TGFB2: variants seen among roughly 807,000 people sequenced by gnomAD.
TGFB2 encodes the protein transforming growth factor beta-2 proprotein.
Under a neutral mutation model 42.7 loss-of-function variants are expected in TGFB2, and 13 were observed. That is an observed-to-expected ratio of 0.30 (90% confidence interval 0.20 to 0.48). The LOEUF is 0.48. Among genes scored for constraint, TGFB2 ranks in the 20% least tolerant of loss-of-function variants. The pLI is 0.99. For synonymous variants in TGFB2, 193 were observed against 193.6 expected, an observed-to-expected ratio of 1.00 and a Z score of 0.03; for missense variants, 390 against 517.5, an observed-to-expected ratio of 0.75 and a Z score of 2.39.
intron 6 of TGFB2, 93 bp downstream of exon 6, chr1:218,437,589 T>C: frequency 7.4e-7 from 1 of 1,344,406 alleles, no homozygotes; most frequent in Non-Finnish European, 9.9e-7. Flanking sequence ...AACCTCGTGC[T>C]GTCTTACCAT....
At chr1:218,371,382 C>A (rs976323211) in intron 1 of TGFB2, among the ~76,000 whole-genome samples, 13 of 152,214 alleles carry the variant, frequency 8.5e-5, no homozygotes, top group Admixed American at 3.9e-4. Context: ...ATTGGATCCA[C>A]ACTATTGCTG....
At position 218,417,805 on chromosome 1, in the gene TGFB2, G is replaced by A. The variant is rs182100571; in HGVS notation, c.510+12473G>A. Among the ~76,000 whole-genome samples the A allele has an allele frequency of 2.0e-5, 3 of 152,356 alleles. No homozygotes were observed. In the East Asian group the frequency reaches 5.8e-4, roughly 29 times the overall value. On this transcript the variant is annotated intron_variant, in intron 2 of 6. Transcript: ENST00000366930. ...TGTGGCTGAAAAGGGCCAACATAGA[G>A]CTTGGGCCATGGCTTCAGAGGGTGC...
chr1:218,357,770 C>A (rs1188975093), intron 1 of TGFB2, among the ~76,000 whole-genome samples: 1 of 152,174 alleles, frequency 6.6e-6, no homozygotes, highest in East Asian at 1.9e-4. Flanking sequence ...ACTAGCGTGT[C>A]CCCGTCCCTC....
intron 1 of TGFB2, among the ~76,000 whole-genome samples, chr1:218,362,203 G>T (rs778716720): frequency 1.1e-4 from 17 of 152,230 alleles, no homozygotes; most frequent in Non-Finnish European, 2.1e-4. Flanking sequence ...CAAAGCCTTT[G>T]TCTTGTGTTG....
intron 1 of TGFB2, among the ~76,000 whole-genome samples, chr1:218,373,274 G>A (rs1024469533): frequency 2.6e-5 from 4 of 152,114 alleles, no homozygotes; most frequent in Admixed American, 2.6e-4. Flanking sequence ...GTGTGGCTGT[G>A]TCTAGATATC....
chr1:218,375,941 A>T (rs975884819), intron 1 of TGFB2, among the ~76,000 whole-genome samples: 1 of 152,290 alleles, frequency 6.6e-6, no homozygotes, highest in Admixed American at 6.5e-5. Flanking sequence ...AAAATATGGG[A>T]TATCTATAAT....
chr1:218,383,368 G>A (rs1009869564), intron 1 of TGFB2, among the ~76,000 whole-genome samples: 15 of 151,634 alleles, frequency 9.9e-5, no homozygotes, highest in African/African-American at 3.2e-4. Flanking sequence ...AAGCTGGAAA[G>A]CATGTGTCCT....
rs530925294 is a variant in TGFB2 at position 218,444,245 on chromosome 1, A to T, written c.*2883A>T. ...TATTGCTATTTGGTAATTGTTTGAG[A>T]TTTAGTTTCCATCCAGCTTGACTGC... is the stretch of plus-strand genomic sequence containing the variant. On this transcript the variant is annotated 3_prime_UTR_variant, in exon 7 of 7. Coordinates refer to ENST00000366930, the MANE Select transcript of TGFB2 (RefSeq NM_003238.6). 6.6e-6 allele frequency: 1 copy of T among 152,172 alleles called. No individual in the cohort carries two copies. Among genetic ancestry groups the T allele is most frequent in the South Asian group, 2.1e-4 (1 of 4,826 alleles). 9.4% of individuals were successfully genotyped at this position (152,172 alleles called of 1,614,324 possible). A position where few individuals can be genotyped will look rare whatever the true frequency, so the allele number is the denominator to read the frequency against.
At chr1:218,378,003 C>G (rs1258010257) in intron 1 of TGFB2, among the ~76,000 whole-genome samples, 1 of 151,930 alleles carries the variant, frequency 6.6e-6, no homozygotes, top group Non-Finnish European at 1.5e-5. Flanking sequence ...TGATACAGAG[C>G]CTTGCTCTGT....
At chr1:218,431,576 T>C (rs2102623620) in intron 2 of TGFB2, among the ~76,000 whole-genome samples, 1 of 152,342 alleles carries the variant, frequency 6.6e-6, no homozygotes, top group South Asian at 2.1e-4. Flanking sequence ...ATGGAGACAA[T>C]GTTTAGTTCT....
chr1:218,376,430 C>A (rs995119956), intron 1 of TGFB2, among the ~76,000 whole-genome samples: 4 of 152,170 alleles, frequency 2.6e-5, no homozygotes, highest in Admixed American at 1.3e-4. Flanking sequence ...ATTCACCAAG[C>A]ATATACTGCC....
At chr1:218,411,110 G>T (rs1390418270) in intron 2 of TGFB2, among the ~76,000 whole-genome samples, 2 of 152,110 alleles carry the variant, frequency 1.3e-5, no homozygotes, top group Non-Finnish European at 2.9e-5. Flanking sequence ...AGTATTTCTA[G>T]TTTCTTCTCA....
At position 218,346,839 on chromosome 1, in the gene TGFB2, C is replaced by T. The variant is rs373790376; in HGVS notation, c.138C>T (p.Ser46=). The change falls in exon 1 of 7, where the codon AGC becomes AGT. Residue 46 remains serine, a synonymous_variant. Coordinates refer to ENST00000366930, the MANE Select transcript of TGFB2 (RefSeq NM_003238.6). This position sits in a 1 kb window ranked among gnomAD's most constrained non-coding sequence, Gnocchi z 4.9. ...AGGCGATCCGCGGGCAGATCCTGAG[C>T]AAGCTGAAGCTCACCAGTCCCCCAG... ...RIEAIRGQIL[S]KLKLTSPPED... The T allele has an allele frequency of 6.2e-7, 1 of 1,614,022 alleles. No individual in the cohort carries two copies. Among genetic ancestry groups the T allele is most frequent in the Non-Finnish European group, 8.5e-7 (1 of 1,180,034 alleles).
At chr1:218,431,324 T>TG (rs1425800290) in intron 2 of TGFB2, among the ~76,000 whole-genome samples, 1 of 152,204 alleles carries the variant, frequency 6.6e-6, no homozygotes, top group African/African-American at 2.4e-5. Context: ...AGAGTCTCTT[T>TG]GCTGCTCTTT....
chr1:218,346,802 G>C lies in TGFB2; in HGVS notation c.101G>C (p.Arg34Pro). The C allele has an allele frequency of 6.2e-7, 1 of 1,614,156 alleles. No individual in the cohort carries two copies. Among genetic ancestry groups the C allele is most frequent in the South Asian group, 1.1e-5 (1 of 91,078 alleles). The stretch of plus-strand genomic sequence containing the variant: ...ACACTCGATATGGACCAGTTCATGC[G>C]CAAGAGGATCGAGGCGATCCGCGGG... ...CSTLDMDQFMRKRIEAIRGQI... is the reference protein window; with the variant it reads ...CSTLDMDQFMPKRIEAIRGQI... The change falls in exon 1 of 7, where the codon CGC (arginine) becomes CCC (proline). Residue 34 changes from arginine to proline, a missense_variant. Coordinates refer to ENST00000366930, the MANE Select transcript of TGFB2 (RefSeq NM_003238.6). This position sits in a 1 kb window ranked among gnomAD's most constrained non-coding sequence, Gnocchi z 4.9.
intron 1 of TGFB2, among the ~76,000 whole-genome samples, chr1:218,354,781 C>T (rs1656978724): frequency 6.6e-6 from 1 of 152,192 alleles, no homozygotes; most frequent in Admixed American, 6.5e-5. Flanking sequence ...TTCACAAGCA[C>T]TGAGAAAATA....
At chr1:218,408,738 G>C (rs995605512) in intron 2 of TGFB2, among the ~76,000 whole-genome samples, 1 of 152,140 alleles carries the variant, frequency 6.6e-6, no homozygotes. Context: ...AAAGAGGAGG[G>C]CTAGAGGAGG....
At chr1:218,373,835 A>T (rs10482745) in intron 1 of TGFB2, among the ~76,000 whole-genome samples, 5,008 of 152,276 alleles carry the variant, frequency 0.033, 180 homozygotes, top group East Asian at 0.087. Context: ...AAAAAAGACA[A>T]GTCTGGATGT....
chr1:218,406,459 C>T (rs570365996), intron 2 of TGFB2, among the ~76,000 whole-genome samples: 3 of 152,308 alleles, frequency 2.0e-5, no homozygotes, highest in African/African-American at 4.8e-5. Context: ...TTTACAGAAT[C>T]AGAATCCCCA....
Sources: gnomAD v4.1 joint callset for allele counts (sites outside exome capture counted in the v4.1 genomes callset) on GRCh38, gnomAD v4.1.1 for gene constraint, Gnocchi (gnomAD v3.1) non-coding constraint, MANE v1.5 for transcripts, NCBI Gene and HGNC (gene_info 2026-07-23, HGNC 2026-07-21) for gene names.